Variants in GDPD1 observed in about 807,000 individuals in gnomAD.
The protein encoded by GDPD1 is lysophospholipase D GDPD1.
GDPD1 carries 28 observed loss-of-function variants against 45.1 expected under a neutral mutation model. The observed-to-expected ratio is 0.62, with a 90% confidence interval of 0.46 to 0.85. The LOEUF is 0.85. GDPD1 is among the 40% of genes least tolerant of loss of function. GDPD1 has a pLI of 0.00. For missense variants in GDPD1, 256 were observed against 364.8 expected (o/e 0.70, Z 2.43); for synonymous variants, 139 against 131.4 (o/e 1.06, Z -0.40).
intron 4 of GDPD1, among the ~76,000 whole-genome samples, chr17:59,254,265 G>A (rs2047278793): frequency 6.6e-6 from 1 of 151,402 alleles, no homozygotes; most frequent in Admixed American, 6.6e-5. Flanking sequence ...GGAGACTGAG[G>A]CAGGAAAATC....
In GDPD1 at chr17:59,267,079, C is replaced by T; in HGVS notation, c.615C>T (p.Val205=). ...DIPILFSLQR[V]LLILGLFFTG... Reference sequence around the variant, plus strand: ...CTATACTCTTCAGTCTACAACGTGTCCTGCTCATTCTTGGCCTTTTCTTCA... The same window carrying T: ...CTATACTCTTCAGTCTACAACGTGTTCTGCTCATTCTTGGCCTTTTCTTCA... The change falls in exon 7 of 10, where the codon GTC becomes GTT. Residue 205 remains valine (V), a synonymous_variant. Transcript: ENST00000284116. 3 of 1,613,170 alleles carry T rather than the reference C, an allele frequency of 1.9e-6. No homozygotes were observed. The highest frequency in any genetic ancestry group is 2.5e-6 in the Non-Finnish European group (3 of 1,179,150).
chr17:59,245,390 G>A, intron 2 of GDPD1, 24 bp from the exon 3 acceptor site: 3 of 1,596,854 alleles, frequency 1.9e-6, no homozygotes, highest in Non-Finnish European at 2.6e-6. Flanking sequence ...AGTGTCAGAT[G>A]TCATTCTTCT....
rs998989649 is a variant in GDPD1, at chr17:59,252,355, C to T, written c.367+3570C>T. On this transcript the variant is annotated intron_variant, in intron 4 of 9. Coordinates refer to ENST00000284116, the MANE Select transcript of GDPD1 (RefSeq NM_182569.4). Reference sequence around the variant, plus strand: ...CCAGGTTCAAGCAATCCTCCTGCCTCGGCCTCCTGTGTAGCTGGGATTACA... The same window carrying T: ...CCAGGTTCAAGCAATCCTCCTGCCTTGGCCTCCTGTGTAGCTGGGATTACA... Among the ~76,000 whole-genome samples, 19 of 151,808 alleles carry T rather than the reference C, an allele frequency of 1.3e-4. No homozygotes were observed. The South Asian group carries it at 2.9e-3, about 23-fold the overall frequency.
chr17:59,261,913 C>CTTTT lies in GDPD1; in HGVS notation c.576+4092_576+4095dup, dbSNP rs58058526. On this transcript the variant is annotated intron_variant, in intron 6 of 9. Coordinates refer to ENST00000284116, the MANE Select transcript of GDPD1 (RefSeq NM_182569.4). Reference sequence around the variant, plus strand: ...TTTCCCAAAGTGCTGAGATTACAGGCTTTTTTTTTTTTTTTTTTTTTTGAG... The same window carrying CTTTT: ...TTTCCCAAAGTGCTGAGATTACAGGCTTTTTTTTTTTTTTTTTTTTTTTTTTGAG... 7.8e-4 allele frequency among the ~76,000 whole-genome samples: 62 copies of CTTTT among 79,340 alleles called. 1 individual carries two copies. The highest frequency in any genetic ancestry group is 8.9e-4 in the African/African-American group (14 of 15,696). 52.1% of individuals were successfully genotyped at this position (79,340 alleles called of 152,430 possible). A position where few individuals can be genotyped will look rare whatever the true frequency, so the allele number is the denominator to read the frequency against.
chr17:59,271,006 T>A lies in GDPD1; in HGVS notation c.770+11T>A. 1 of 1,499,036 alleles carries A rather than the reference T, an allele frequency of 6.7e-7. No individual in the cohort carries two copies. Among genetic ancestry groups the A allele is most frequent in the Non-Finnish European group, 9.3e-7 (1 of 1,080,306 alleles). 92.9% of individuals were successfully genotyped at this position (1,499,036 alleles called of 1,614,324 possible). ...CTGGCTTTCTGATCTGTAAGAATTT[T>A]AATTTCTTAATATGCAAGTTATTGC... On this transcript the variant is annotated intron_variant, in intron 8 of 9. Transcript: ENST00000284116.
At chr17:59,254,378 A>G (rs1027037633) in intron 4 of GDPD1, among the ~76,000 whole-genome samples, 1 of 151,410 alleles carries the variant, frequency 6.6e-6, no homozygotes, top group Non-Finnish European at 1.5e-5. Flanking sequence ...AAAAAAAAAA[A>G]AGAAAAGCCA....
chr17:59,242,907 T>C (rs1315525669), intron 2 of GDPD1, among the ~76,000 whole-genome samples: 1 of 152,146 alleles, frequency 6.6e-6, no homozygotes, highest in African/African-American at 2.4e-5. Flanking sequence ...TCAGAAAGAA[T>C]CTGTCCAGAG....
At chr17:59,233,023 C>A (rs571065216) in intron 1 of GDPD1, among the ~76,000 whole-genome samples, 12 of 151,920 alleles carry the variant, frequency 7.9e-5, no homozygotes, top group African/African-American at 2.9e-4. Context: ...CAAGACCAGC[C>A]TGGCCATCAT....
intron 4 of GDPD1, among the ~76,000 whole-genome samples, chr17:59,254,266 C>A (rs960034490): frequency 8.7e-5 from 13 of 149,488 alleles, no homozygotes; most frequent in Non-Finnish European, 1.6e-4. Flanking sequence ...GAGACTGAGG[C>A]AGGAAAATCA....
rs745893247 is a variant in GDPD1 at position 59,272,826 on chromosome 17, G to C, written c.812G>C (p.Arg271Pro). The change falls in exon 9 of 10, where the codon CGA becomes CCA. Residue 271 changes from arginine (R) to proline (P), a missense_variant. By Grantham distance (103) the Arg-to-Pro change is moderately radical. Coordinates refer to ENST00000284116, the MANE Select transcript of GDPD1 (RefSeq NM_182569.4). ...RKALFDHLTA[R>P]GIQVYIWVLN... The stretch of plus-strand genomic sequence containing the variant: ...GCTTTGTTTGACCACCTAACTGCTC[G>C]AGGCATTCAAGTAAGTTTCTGGAAT... 6.2e-7 allele frequency: 1 copy of C among 1,613,790 alleles called. No individual in the cohort carries two copies. The highest frequency in any genetic ancestry group is 8.5e-7 in the Non-Finnish European group (1 of 1,179,766).
At chr17:59,273,587 T>C (rs2047459225) in intron 9 of GDPD1, 64 bp from the exon 10 acceptor site, 1 of 922,078 alleles carries the variant, frequency 1.1e-6, no homozygotes, top group Non-Finnish European at 1.6e-6. Context: ...GGATAAATAC[T>C]GTTATAAAAA....
At chr17:59,238,494 A>G (rs1316622822) in intron 2 of GDPD1, among the ~76,000 whole-genome samples, 1 of 149,924 alleles carries the variant, frequency 6.7e-6, no homozygotes, top group Non-Finnish European at 1.5e-5. Context: ...GCTCACTGCA[A>G]CCTCTGCCTC....
At chr17:59,229,494 G>A (rs2047072839) in intron 1 of GDPD1, among the ~76,000 whole-genome samples, 1 of 151,746 alleles carries the variant, frequency 6.6e-6, no homozygotes, top group African/African-American at 2.4e-5. Flanking sequence ...CAAAGTGCTG[G>A]AATTACAGGC....
At chr17:59,250,346 T>A (rs1166254189) in intron 4 of GDPD1, among the ~76,000 whole-genome samples, 1 of 152,050 alleles carries the variant, frequency 6.6e-6, no homozygotes, top group East Asian at 1.9e-4. Context: ...ATCCAGCAGA[T>A]GTGGTGGCTC....
At chr17:59,233,870 A>G (rs2047111160) in intron 1 of GDPD1, among the ~76,000 whole-genome samples, 1 of 152,160 alleles carries the variant, frequency 6.6e-6, no homozygotes, top group East Asian at 1.9e-4. Context: ...TCGTGCATAA[A>G]ATTATTTAAA....
At chr17:59,260,408 G>T (rs752510277) in intron 6 of GDPD1, among the ~76,000 whole-genome samples, 4 of 151,976 alleles carry the variant, frequency 2.6e-5, no homozygotes, top group Non-Finnish European at 5.9e-5. Flanking sequence ...CGGGCATGGT[G>T]GTGCGCACCT....
chr17:59,257,938 AT>A, intron 6 of GDPD1, 98 bp downstream of exon 6: 1 of 719,894 alleles, frequency 1.4e-6, no homozygotes, highest in East Asian at 3.8e-5. Context: ...TCTTTTTCTT[AT>A]TTTTAGAGAT....
intron 6 of GDPD1, among the ~76,000 whole-genome samples, chr17:59,259,503 C>A (rs987534447): frequency 5.0e-4 from 69 of 137,184 alleles, no homozygotes; most frequent in African/African-American, 1.9e-3. Context: ...GGAGGCAGAG[C>A]TTGCAGTGAG....
chr17:59,223,858 C>A (rs2047024902), intron 1 of GDPD1, among the ~76,000 whole-genome samples: 1 of 152,132 alleles, frequency 6.6e-6, no homozygotes, highest in African/African-American at 2.4e-5. Context: ...TTGCAGTGAG[C>A]CGAGATGGTG....
Sources: gnomAD v4.1 joint callset for allele counts (sites outside exome capture counted in the v4.1 genomes callset) on GRCh38, gnomAD v4.1.1 for gene constraint, MANE v1.5 for transcripts, NCBI Gene and HGNC (gene_info 2026-07-23, HGNC 2026-07-21) for gene names.